PLXDC2: variants seen among roughly 807,000 people sequenced by gnomAD.
The protein encoded by PLXDC2 is plexin domain-containing protein 2.
A neutral mutation model predicts 68.9 loss-of-function variants in PLXDC2; 40 were observed. The observed-to-expected ratio is 0.58, with a 90% CI of 0.45 to 0.76. The LOEUF (loss-of-function observed/expected upper bound fraction) is 0.76. Ranked by LOEUF, PLXDC2 falls within the 30% of genes least tolerant of loss-of-function variation. The pLI, the probability that PLXDC2 is intolerant of heterozygous loss-of-function variation, is 0.00. For synonymous variants in PLXDC2, 243 were observed against 234.2 expected, an observed-to-expected ratio of 1.04 and a Z score of -0.34; for missense variants, 644 against 661.9, an observed-to-expected ratio of 0.97 and a Z score of 0.30.
At chr10:19,976,728 C>G (rs559955910) in intron 1 of PLXDC2, among the ~76,000 whole-genome samples, 1 of 151,984 alleles carries the variant, frequency 6.6e-6, no homozygotes, top group Admixed American at 6.6e-5. Flanking sequence ...TTTTCTCCCC[C>G]TCTATATTTT....
intron 1 of PLXDC2, among the ~76,000 whole-genome samples, chr10:19,948,496 G>T (rs1391652216): frequency 1.3e-5 from 2 of 150,762 alleles, no homozygotes; most frequent in African/African-American, 2.4e-5. Context: ...CCAACAGTTT[G>T]CTAGTTCCAC....
chr10:20,092,365 A>AGTT (rs1472180317), intron 4 of PLXDC2, among the ~76,000 whole-genome samples: 1 of 152,194 alleles, frequency 6.6e-6, no homozygotes, highest in Non-Finnish European at 1.5e-5. Context: ...TTTTCAAACT[A>AGTT]AGATTCCACT....
intron 13 of PLXDC2, among the ~76,000 whole-genome samples, chr10:20,277,935 G>A (rs1233276515): frequency 9.9e-5 from 15 of 152,132 alleles, no homozygotes; most frequent in Admixed American, 2.0e-4. Context: ...AAGTGAGAAC[G>A]TGTGATGTTT....
At chr10:20,152,793 G>A (rs939008080) in intron 6 of PLXDC2, among the ~76,000 whole-genome samples, 1 of 151,738 alleles carries the variant, frequency 6.6e-6, no homozygotes, top group African/African-American at 2.4e-5. Flanking sequence ...TCATTCATTG[G>A]TCATATTTCT....
intron 4 of PLXDC2, among the ~76,000 whole-genome samples, chr10:20,128,667 C>A (rs1026973583): frequency 6.6e-6 from 1 of 152,008 alleles, no homozygotes; most frequent in Non-Finnish European, 1.5e-5. Flanking sequence ...TTTACCCTAT[C>A]CCCCCACTTC....
chr10:20,197,512 C>A (rs1184938158), intron 9 of PLXDC2, among the ~76,000 whole-genome samples: 1 of 151,910 alleles, frequency 6.6e-6, no homozygotes, highest in Non-Finnish European at 1.5e-5. Context: ...CATGTGCTAC[C>A]ATGCCCAGCT....
At chr10:20,141,111 C>T (rs2358849) in intron 4 of PLXDC2, among the ~76,000 whole-genome samples, 34,790 of 151,850 alleles carry the variant, frequency 0.23, 4,951 homozygotes, top group East Asian at 0.49. Context: ...TCTTTGGAAA[C>T]AATTTGAAAT....
intron 1 of PLXDC2, among the ~76,000 whole-genome samples, chr10:19,836,261 T>C (rs1836790430): frequency 6.6e-6 from 1 of 151,796 alleles, no homozygotes; most frequent in Non-Finnish European, 1.5e-5. Flanking sequence ...AAGAGAGGGT[T>C]TTTTGCCGGC....
chr10:19,914,392 T>C (rs1367899830), intron 1 of PLXDC2, among the ~76,000 whole-genome samples: 1 of 152,218 alleles, frequency 6.6e-6, no homozygotes, highest in African/African-American at 2.4e-5. Flanking sequence ...GATATTCCAT[T>C]GATTTACTTG....
At chr10:20,107,963 G>A (rs1476817991) in intron 4 of PLXDC2, among the ~76,000 whole-genome samples, 1 of 152,024 alleles carries the variant, frequency 6.6e-6, no homozygotes, top group East Asian at 1.9e-4. Context: ...CTTTGTACCA[G>A]GTTTTGTAAA....
At chr10:19,866,761 G>T (rs1230524666) in intron 1 of PLXDC2, among the ~76,000 whole-genome samples, 1 of 152,180 alleles carries the variant, frequency 6.6e-6, no homozygotes, top group Non-Finnish European at 1.5e-5. Context: ...GAATTGAAAG[G>T]CAGGGGTACA....
intron 4 of PLXDC2, among the ~76,000 whole-genome samples, chr10:20,098,695 G>A (rs1171261477): frequency 1.3e-5 from 2 of 152,116 alleles, no homozygotes; most frequent in East Asian, 1.9e-4. Flanking sequence ...CCCATCATAT[G>A]TAGGTAGTGG....
At chr10:20,230,848 G>GT (rs1000858004) in intron 12 of PLXDC2, among the ~76,000 whole-genome samples, 45 of 141,690 alleles carry the variant, frequency 3.2e-4, no homozygotes, top group South Asian at 2.6e-3. Flanking sequence ...TCCCTGGAGG[G>GT]TTTTTTTTTT....
chr10:20,139,230 T>C (rs1474518284), intron 4 of PLXDC2, among the ~76,000 whole-genome samples: 1 of 152,230 alleles, frequency 6.6e-6, no homozygotes, highest in Non-Finnish European at 1.5e-5. Context: ...AGAATTTGAC[T>C]CTGGTTTTAC....
chr10:19,827,624 G>A (rs953065921), intron 1 of PLXDC2, among the ~76,000 whole-genome samples: 1 of 150,488 alleles, frequency 6.6e-6, no homozygotes, highest in African/African-American at 2.5e-5. Flanking sequence ...GCAGTGGCAC[G>A]ATCTTGGCTC....
intron 7 of PLXDC2, among the ~76,000 whole-genome samples, chr10:20,166,232 C>T (rs1317204416): frequency 2.6e-5 from 4 of 152,082 alleles, no homozygotes; most frequent in South Asian, 2.1e-4. Context: ...ATCTTACAAC[C>T]GTAAGATATC....
intron 1 of PLXDC2, among the ~76,000 whole-genome samples, chr10:19,963,114 G>T (rs891903548): frequency 6.6e-6 from 1 of 151,896 alleles, no homozygotes; most frequent in Non-Finnish European, 1.5e-5. Context: ...TCTGTTGGTA[G>T]CTCACTTTAT....
chr10:19,876,175 C>G (rs1216104455), intron 1 of PLXDC2, among the ~76,000 whole-genome samples: 1 of 152,026 alleles, frequency 6.6e-6, no homozygotes, highest in Non-Finnish European at 1.5e-5. Context: ...AAAAATAGGT[C>G]AGGAGGAAGG....
At chr10:20,245,202 C>G in intron 12 of PLXDC2, 143 bp from the exon 13 acceptor site, 2 of 739,856 alleles carry the variant, frequency 2.7e-6, no homozygotes, top group Non-Finnish European at 4.1e-6. Flanking sequence ...AGCACGTCAC[C>G]TGTAAAATTG....
Sources: allele counts gnomAD v4.1 joint callset (sites outside exome capture counted in the v4.1 genomes callset), GRCh38; gene constraint gnomAD v4.1.1; transcripts MANE v1.5; gene names NCBI Gene and HGNC (gene_info 2026-07-23, HGNC 2026-07-21).